The following DSE variants were observed in gnomAD, a reference collection of about 807,000 sequenced individuals.
DSE encodes the protein dermatan-sulfate epimerase.
A neutral mutation model predicts 84.4 loss-of-function variants in DSE; 36 were observed. The ratio of observed to expected loss-of-function variants is 0.43; its 90% CI spans 0.33 to 0.56. The LOEUF (loss-of-function observed/expected upper bound fraction) is 0.56. DSE is among the 20% of genes least tolerant of loss of function. DSE has a pLI of 0.06. For synonymous variants in DSE, 410 were observed against 430.1 expected (o/e 0.95, Z 0.58); for missense variants, 862 against 1,169.6 (o/e 0.74, Z 3.84).
chr6:116,378,989 G>A lies in DSE; in HGVS notation c.-54+7868G>A, dbSNP rs554150973. Among the ~76,000 whole-genome samples the A allele has an allele frequency of 9.2e-5, 14 of 152,178 alleles. 1 individual carries two copies. The East Asian group carries it at 1.4e-3, about 15-fold the overall frequency. ...CTGTCATACCATGCTTCTTATTGCA[G>A]TGTTTATGGTTAAAAACAATAATGG... On this transcript the variant is annotated intron_variant, in intron 1 of 5. Transcript: ENST00000644252.
At chr6:116,260,545 G>T (rs1218679641) in intron 2 of DSE, among the ~76,000 whole-genome samples, 1 of 152,194 alleles carries the variant, frequency 6.6e-6, no homozygotes, top group African/African-American at 2.4e-5. Context: ...TCTCTGTCAT[G>T]AAATCTTTGT....
chr6:116,279,867 G>C, intron 2 of DSE: 7 of 1,612,982 alleles, frequency 4.3e-6, no homozygotes, highest in South Asian at 1.1e-5. Context: ...GCGAACGCCC[G>C]TTTTCCTCAG....
At chr6:116,341,705 A>G (rs1382653800) in intron 2 of DSE, among the ~76,000 whole-genome samples, 1 of 152,214 alleles carries the variant, frequency 6.6e-6, no homozygotes, top group Non-Finnish European at 1.5e-5. Context: ...TCAGCTTTCT[A>G]CATTTGGCTA....
chr6:116,308,667 G>A (rs1226859634), intron 2 of DSE, among the ~76,000 whole-genome samples: 1 of 151,954 alleles, frequency 6.6e-6, no homozygotes, highest in East Asian at 1.9e-4. Context: ...ATCTTTTGTT[G>A]CATTTTTTTG....
intron 2 of DSE, among the ~76,000 whole-genome samples, chr6:116,345,375 A>C (rs975681208): frequency 7.9e-5 from 12 of 152,276 alleles, no homozygotes; most frequent in African/African-American, 2.4e-4. Context: ...GAAGTAAAGC[A>C]CTCCTCAGCA....
chr6:116,427,626 T>C (rs946853502), intron 3 of DSE, among the ~76,000 whole-genome samples: 2 of 152,198 alleles, frequency 1.3e-5, no homozygotes, highest in Non-Finnish European at 2.9e-5. Flanking sequence ...TAATTAGGTC[T>C]TAGAGGAAAA....
rs1204311256 is a variant in DSE, at chr6:116,403,419, AAATT to A, written c.416+3757_416+3760del. 2.3e-4 allele frequency among the ~76,000 whole-genome samples: 35 copies of A among 151,526 alleles called. No homozygotes were observed. The Middle Eastern group carries it at 0.01, about 45-fold the overall frequency. The stretch of plus-strand genomic sequence containing the variant: ...TAATTTTAATTTAATAAATTTTATT[AAATT>A]AATAAAATTTAATAATTTTAATTTA... On this transcript the variant is annotated intron_variant, in intron 2 of 5. Coordinates refer to ENST00000644252, the MANE Select transcript of DSE (RefSeq NM_013352.4).
intron 2 of DSE, among the ~76,000 whole-genome samples, chr6:116,415,892 A>T (rs1445057571): frequency 6.6e-6 from 1 of 152,236 alleles, no homozygotes; most frequent in East Asian, 1.9e-4. Context: ...GCTGTAACAA[A>T]TTACCACATA....
At chr6:116,359,962 A>C (rs1778796234) in intron 2 of DSE, among the ~76,000 whole-genome samples, 1 of 152,214 alleles carries the variant, frequency 6.6e-6, no homozygotes, top group South Asian at 2.1e-4. Flanking sequence ...ATGATTCCCC[A>C]CAAAATTGTT....
At chr6:116,379,516 AAT>A (rs1227061447) in intron 1 of DSE, among the ~76,000 whole-genome samples, 2 of 152,108 alleles carry the variant, frequency 1.3e-5, no homozygotes, top group African/African-American at 4.8e-5. Context: ...TTTTGGTTTT[AAT>A]GAGAACCCAA....
chr6:116,393,714 ATGT>A (rs1781054170), intron 1 of DSE, among the ~76,000 whole-genome samples: 1 of 152,204 alleles, frequency 6.6e-6, no homozygotes, highest in Non-Finnish European at 1.5e-5. Flanking sequence ...GTTAATCATT[ATGT>A]TGTGTTCCTC....
At chr6:116,333,377 A>T (rs1233661957) in intron 2 of DSE, among the ~76,000 whole-genome samples, 1 of 152,182 alleles carries the variant, frequency 6.6e-6, no homozygotes, top group Non-Finnish European at 1.5e-5. Context: ...AGACAATGTG[A>T]GAGAGAGTGA....
chr6:116,257,180 T>C (rs1190571142), intron 1 of DSE: 1 of 152,238 alleles, frequency 6.6e-6, no homozygotes, highest in Non-Finnish European at 1.5e-5. Context: ...TATACTTTTA[T>C]GTGCTTAAAT....
At chr6:116,299,712 A>G (rs1398081272) in intron 2 of DSE, among the ~76,000 whole-genome samples, 3 of 151,774 alleles carry the variant, frequency 2.0e-5, no homozygotes, top group Non-Finnish European at 2.9e-5. Flanking sequence ...CTAAAGTTTG[A>G]ACAATACTAT....
chr6:116,261,923 C>T (rs937237755), intron 2 of DSE, among the ~76,000 whole-genome samples: 1 of 152,174 alleles, frequency 6.6e-6, no homozygotes, highest in Non-Finnish European at 1.5e-5. Context: ...GTTGAACCAA[C>T]CTTACATCCC....
At chr6:116,347,221 T>C (rs1262709931) in intron 2 of DSE, among the ~76,000 whole-genome samples, 1 of 152,120 alleles carries the variant, frequency 6.6e-6, no homozygotes, top group South Asian at 2.1e-4. Flanking sequence ...TTCAGTGCCA[T>C]CCCCATCAAG....
At chr6:116,405,787 G>A (rs1471691430) in intron 2 of DSE, among the ~76,000 whole-genome samples, 1 of 152,174 alleles carries the variant, frequency 6.6e-6, no homozygotes. Context: ...GCCCTGTGGT[G>A]GGAGGAAGCA....
rs1171790522 is a variant in DSE, at chr6:116,357,935, T to C, written c.-53-41263T>C. Among the ~76,000 whole-genome samples, 5 of 152,358 alleles carry C rather than the reference T, an allele frequency of 3.3e-5. No individual in the cohort carries two copies. The East Asian group carries it at 9.6e-4, about 29-fold the overall frequency. On this transcript the variant is annotated intron_variant, in intron 2 of 3. Coordinates refer to the DSE transcript ENST00000430252. The stretch of plus-strand genomic sequence containing the variant: ...CAAGTTTAAGCTGATCTGTCAAGTA[T>C]AGAATTTATAGGGAGTAATTAACCC...
At chr6:116,301,772 C>G (rs1325622563) in intron 2 of DSE, among the ~76,000 whole-genome samples, 2 of 152,136 alleles carry the variant, frequency 1.3e-5, no homozygotes, top group Admixed American at 6.5e-5. Flanking sequence ...TCTCCTAATG[C>G]TCTCCCTCCG....
Sources: allele counts gnomAD v4.1 joint callset (sites outside exome capture counted in the v4.1 genomes callset), GRCh38; gene constraint gnomAD v4.1.1; transcripts MANE v1.5; gene names NCBI Gene and HGNC (gene_info 2026-07-23, HGNC 2026-07-21).